CATSPERT: variants seen among roughly 807,000 people sequenced by gnomAD.
The protein encoded by CATSPERT is catsper channel auxiliary subunit tau, also known as cation channel sperm-associated targeting subunit tau.
the CATSPERT span, among the ~76,000 whole-genome samples, chr2:201,546,072 C>T: frequency 1.3e-5 from 2 of 151,996 alleles, no homozygotes; most frequent in Non-Finnish European, 2.9e-5. Flanking sequence ...GATCAGTGGG[C>T]ACTTATAAAA....
At chr2:201,567,123 C>T in the CATSPERT span, among the ~76,000 whole-genome samples, 1 of 152,166 alleles carries the variant, frequency 6.6e-6, no homozygotes, top group Non-Finnish European at 1.5e-5. Flanking sequence ...CAAAATAGAA[C>T]TCACGATTTT....
chr2:201,544,998 G>GATA, the CATSPERT span, among the ~76,000 whole-genome samples: 6,363 of 149,348 alleles, frequency 0.043, 195 homozygotes, highest in African/African-American at 0.077. Flanking sequence ...CCCTGTCTCA[G>GATA]ATAATAATAA....
At chr2:201,569,699 G>A in the CATSPERT span, among the ~76,000 whole-genome samples, 1 of 152,112 alleles carries the variant, frequency 6.6e-6, no homozygotes, top group South Asian at 2.1e-4. Context: ...CCCAGGATGG[G>A]TGAGTCAATC....
At chr2:201,549,398 G>A in the CATSPERT span, among the ~76,000 whole-genome samples, 1 of 151,796 alleles carries the variant, frequency 6.6e-6, no homozygotes, top group Non-Finnish European at 1.5e-5. Flanking sequence ...TGTCAGTGGT[G>A]GAACTCTCAT....
At chr2:201,597,232 C>A in the CATSPERT span, among the ~76,000 whole-genome samples, 2 of 152,124 alleles carry the variant, frequency 1.3e-5, no homozygotes, top group African/African-American at 2.4e-5. Context: ...TTAATGAGAA[C>A]TCTCTGCTTT....
chr2:201,553,831 C>G, the CATSPERT span: 1 of 152,164 alleles, frequency 6.6e-6, no homozygotes, highest in African/African-American at 2.4e-5. Context: ...TAGGCACTGT[C>G]TGCCTGCCAT....
At chr2:201,574,491 T>C in the CATSPERT span, among the ~76,000 whole-genome samples, 1 of 152,208 alleles carries the variant, frequency 6.6e-6, no homozygotes, top group Non-Finnish European at 1.5e-5. Context: ...TTAAGTAGTA[T>C]TATACAATTA....
the CATSPERT span, among the ~76,000 whole-genome samples, chr2:201,574,507 T>C: frequency 6.6e-6 from 1 of 152,194 alleles, no homozygotes; most frequent in Non-Finnish European, 1.5e-5. Context: ...AATTAAAATA[T>C]GGAAAATATC....
At chr2:201,595,339 C>A in the CATSPERT span, among the ~76,000 whole-genome samples, 73 of 151,636 alleles carry the variant, frequency 4.8e-4, no homozygotes, top group Non-Finnish European at 1.3e-4. Context: ...CAGGCGCCCG[C>A]CACCTCGCCC....
At chr2:201,585,164 A>G in the CATSPERT span, among the ~76,000 whole-genome samples, 2 of 152,112 alleles carry the variant, frequency 1.3e-5, no homozygotes, top group Admixed American at 1.3e-4. Context: ...GTTCTCACTC[A>G]TAAGTGGGAG....
At chr2:201,504,008 G>C in the CATSPERT span, among the ~76,000 whole-genome samples, 1 of 152,282 alleles carries the variant, frequency 6.6e-6, no homozygotes, top group East Asian at 1.9e-4. Context: ...TGGAAGTCCT[G>C]TGTGAGTACC....
the CATSPERT span, among the ~76,000 whole-genome samples, chr2:201,556,513 G>GAAAA: frequency 1.5e-5 from 2 of 134,240 alleles, no homozygotes; most frequent in African/African-American, 2.8e-5. Context: ...ACTTCAAAAA[G>GAAAA]AAAAAAAAAA....
chr2:201,588,587 G>T, the CATSPERT span, among the ~76,000 whole-genome samples: 8 of 132,558 alleles, frequency 6.0e-5, no homozygotes, highest in Admixed American at 5.0e-4. Context: ...AATGGGCAAT[G>T]GTTCCCTACT....
chr2:201,557,762 T>C, the CATSPERT span: 1 of 152,202 alleles, frequency 6.6e-6, no homozygotes, highest in African/African-American at 2.4e-5. Flanking sequence ...CAAAATGACA[T>C]CAAAAAGGTC....
At chr2:201,548,046 A>G in the CATSPERT span, among the ~76,000 whole-genome samples, 1 of 152,130 alleles carries the variant, frequency 6.6e-6, no homozygotes, top group Non-Finnish European at 1.5e-5. Context: ...GGTGACTTAA[A>G]CAACAGACTT....
the CATSPERT span, among the ~76,000 whole-genome samples, chr2:201,489,942 T>C: frequency 0.35 from 53,764 of 151,450 alleles, 9,850 homozygotes; most frequent in Admixed American, 0.45. Context: ...CTGCAACCTC[T>C]GCCTCCTGGG....
chr2:201,534,207 GTGAGTGATCA>G, the CATSPERT span: 1 of 170,766 alleles, frequency 5.9e-6, no homozygotes, highest in African/African-American at 2.4e-5. Flanking sequence ...AGACATGTAA[GTGAGTGATCA>G]TGAGTGTTCC....
the CATSPERT span, among the ~76,000 whole-genome samples, chr2:201,576,194 A>AT: frequency 2.0e-5 from 3 of 152,260 alleles, no homozygotes; most frequent in South Asian, 6.2e-4. Context: ...AAAAGACTCC[A>AT]TTTTATATTT....
At chr2:201,508,401 T>TA in the CATSPERT span, among the ~76,000 whole-genome samples, 1 of 152,386 alleles carries the variant, frequency 6.6e-6, no homozygotes, top group African/African-American at 2.4e-5. Context: ...AAACTTGAAG[T>TA]AATTACAGAA....
Sources: allele counts gnomAD v4.1 joint callset (sites outside exome capture counted in the v4.1 genomes callset), GRCh38; gene constraint gnomAD v4.1.1; transcripts MANE v1.5; gene names NCBI Gene and HGNC (gene_info 2026-07-23, HGNC 2026-07-21).